The following NRG1 variants were observed in gnomAD, a reference collection of about 807,000 sequenced individuals.
NRG1 encodes the protein neuregulin 1.
In NRG1, 18 loss-of-function variants were observed where a neutral mutation model predicts 63.8. The observed-to-expected ratio is 0.28, with a 90% CI of 0.19 to 0.42. The LOEUF is 0.42. Ranked by LOEUF, NRG1 falls within the 10% of genes least tolerant of loss-of-function variation. The pLI, the probability that NRG1 is intolerant of heterozygous loss-of-function variation, is 1.00. For synonymous variants in NRG1, 302 were observed against 301.3 expected (o/e 1.00, Z -0.02); for missense variants, 762 against 814.7 (o/e 0.94, Z 0.79).
chr8:32,762,360 G>A lies in NRG1; in HGVS notation c.1260-1388G>A, dbSNP rs761626696. On this transcript the variant is annotated intron_variant, in intron 11 of 11. Transcript: ENST00000356819. ...CCTTAAATGTTGACATTTCCCCACT[G>A]TGCTGGGCTTCTAGATGATATCTAG... 5.3e-5 allele frequency among the ~76,000 whole-genome samples: 8 copies of A among 152,232 alleles called. No homozygotes were observed. The South Asian group carries it at 1.2e-3, about 24-fold the overall frequency.
intron 1 of NRG1, among the ~76,000 whole-genome samples, chr8:31,758,154 C>T (rs1385884340): frequency 1.3e-5 from 2 of 152,066 alleles, no homozygotes; most frequent in East Asian, 1.9e-4. Flanking sequence ...TGGTTTGCTA[C>T]ACCCATCAAC....
chr8:32,314,141 ATGCTTAGTCTT>A (rs1857112448), intron 1 of NRG1, among the ~76,000 whole-genome samples: 1 of 151,846 alleles, frequency 6.6e-6, no homozygotes, highest in Non-Finnish European at 1.5e-5. Context: ...AATTCATCAC[ATGCTTAGTCTT>A]TGCTTTATTC....
At chr8:32,696,624 TTTCAAAAAGGTTAAAATACAA>T (rs937016091) in intron 5 of NRG1, among the ~76,000 whole-genome samples, 6 of 152,022 alleles carry the variant, frequency 3.9e-5, no homozygotes, top group Admixed American at 2.6e-4. Flanking sequence ...CGTGATTCTT[TTTCAAAAAGGTTAAAATACAA>T]TATAATCTAT....
intron 11 of NRG1, chr8:32,760,930 T>C: frequency 3.0e-6 from 3 of 988,154 alleles, no homozygotes; most frequent in Non-Finnish European, 3.6e-6. Flanking sequence ...CCCTCCACCC[T>C]ATAGTATCTA....
chr8:32,693,434 T>C (rs1315471293), intron 5 of NRG1, among the ~76,000 whole-genome samples: 1 of 151,894 alleles, frequency 6.6e-6, no homozygotes, highest in Non-Finnish European at 1.5e-5. Flanking sequence ...GCCAGGATGG[T>C]CTTGATCTCC....
intron 1 of NRG1, among the ~76,000 whole-genome samples, chr8:32,205,195 CTT>C (rs1268591644): frequency 1.3e-5 from 2 of 152,208 alleles, no homozygotes; most frequent in South Asian, 4.2e-4. Context: ...AATTAAAAGT[CTT>C]TTTAATTTGG....
chr8:31,988,182 G>C (rs1047102943), intron 1 of NRG1, among the ~76,000 whole-genome samples: 2 of 152,054 alleles, frequency 1.3e-5, no homozygotes, highest in Non-Finnish European at 2.9e-5. Flanking sequence ...GGACAAAATG[G>C]TATTCACTGG....
At chr8:32,506,675 C>T (rs563994746) in intron 1 of NRG1, among the ~76,000 whole-genome samples, 1 of 152,194 alleles carries the variant, frequency 6.6e-6, no homozygotes, top group East Asian at 1.9e-4. Context: ...GCTCATACTG[C>T]ACTCCCTCAA....
At chr8:31,995,262 G>C (rs1246807855) in intron 1 of NRG1, among the ~76,000 whole-genome samples, 2 of 151,844 alleles carry the variant, frequency 1.3e-5, no homozygotes, top group Non-Finnish European at 2.9e-5. Context: ...ACTTGTCTAT[G>C]TATATACTGT....
At chr8:32,531,923 T>G (rs1239365927) in intron 1 of NRG1, among the ~76,000 whole-genome samples, 1 of 152,130 alleles carries the variant, frequency 6.6e-6, no homozygotes, top group African/African-American at 2.4e-5. Flanking sequence ...CTAGAATAAC[T>G]GCAATGTATG....
Position 32,051,857 on chromosome 8 carries a change from A to G in NRG1, c.37+412426A>G, listed in dbSNP as rs188760615. On this transcript the variant is annotated intron_variant, in intron 1 of 10. Transcript: ENST00000519301. ...ACATAGTTTTGACTTGATCCTTACA[A>G]CATAGTATTTTAAGTTAAAGAGAGA... Among the ~76,000 whole-genome samples, 169 of 152,308 alleles carry G rather than the reference A, an allele frequency of 1.1e-3. 1 individual carries two copies. Among genetic ancestry groups the G allele is most frequent in the East Asian group, 2.5e-3 (13 of 5,186 alleles).
At chr8:32,430,790 T>G (rs1818040443) in intron 1 of NRG1, among the ~76,000 whole-genome samples, 1 of 148,926 alleles carries the variant, frequency 6.7e-6, no homozygotes, top group South Asian at 2.1e-4. Flanking sequence ...GGTTTGGGTT[T>G]TTTTTTTTTT....
At chr8:31,869,865 TAAAG>T (rs1829327105) in intron 1 of NRG1, among the ~76,000 whole-genome samples, 1 of 152,178 alleles carries the variant, frequency 6.6e-6, no homozygotes, top group Non-Finnish European at 1.5e-5. Context: ...AATAGTATGA[TAAAG>T]AAAGCAGGGT....
chr8:32,737,296 T>C (rs891364448), intron 6 of NRG1, among the ~76,000 whole-genome samples: 2 of 152,130 alleles, frequency 1.3e-5, no homozygotes, highest in Non-Finnish European at 2.9e-5. Flanking sequence ...ATGCCTGTAA[T>C]CCCAGCACTT....
intron 1 of NRG1, among the ~76,000 whole-genome samples, chr8:32,164,533 T>A (rs1055464895): frequency 6.6e-6 from 1 of 152,186 alleles, no homozygotes; most frequent in African/African-American, 2.4e-5. Flanking sequence ...ATGAAGAGGC[T>A]GATATATTGC....
chr8:31,778,394 T>G (rs1819361384), intron 1 of NRG1, among the ~76,000 whole-genome samples: 1 of 152,196 alleles, frequency 6.6e-6, no homozygotes, highest in African/African-American at 2.4e-5. Context: ...ATGGGAATGT[T>G]TCTTTTGCTT....
intron 1 of NRG1, among the ~76,000 whole-genome samples, chr8:31,925,784 TC>T (rs1427184618): frequency 2.0e-5 from 3 of 152,190 alleles, no homozygotes; most frequent in African/African-American, 7.2e-5. Context: ...AACTTTCTGT[TC>T]AAAAATTTCC....
intron 5 of NRG1, among the ~76,000 whole-genome samples, chr8:32,664,796 T>C (rs1395299806): frequency 6.6e-6 from 1 of 152,170 alleles, no homozygotes; most frequent in Non-Finnish European, 1.5e-5. Flanking sequence ...ACATTAGTAA[T>C]TTAGCGGTTG....
chr8:32,741,803 G>A (rs1345948020), intron 6 of NRG1, among the ~76,000 whole-genome samples: 1 of 152,096 alleles, frequency 6.6e-6, no homozygotes, highest in African/African-American at 2.4e-5. Context: ...ATCATTTGAA[G>A]ACTGAAGCAA....
Sources: allele counts gnomAD v4.1 joint callset (sites outside exome capture counted in the v4.1 genomes callset), GRCh38; gene constraint gnomAD v4.1.1; transcripts MANE v1.5; gene names NCBI Gene and HGNC (gene_info 2026-07-23, HGNC 2026-07-21).